COL13A1: variants seen among roughly 807,000 people sequenced by gnomAD.
COL13A1 encodes the protein collagen type XIII alpha 1 chain.
A neutral mutation model predicts 130.9 loss-of-function variants in COL13A1; 89 were observed. The ratio of observed to expected loss-of-function variants is 0.68; its 90% CI spans 0.57 to 0.81. The LOEUF (loss-of-function observed/expected upper bound fraction) is 0.81, where lower values mean the gene tolerates loss of function less well. COL13A1 is among the 30% of genes least tolerant of loss of function. The pLI is 0.00. For synonymous variants in COL13A1, 402 were observed against 341.6 expected (o/e 1.18, Z -1.95); for missense variants, 879 against 934.6 (o/e 0.94, Z 0.78).
At chr10:69,952,533 A>G (rs1393732051) in intron 38 of COL13A1, among the ~76,000 whole-genome samples, 1 of 152,262 alleles carries the variant, frequency 6.6e-6, no homozygotes, top group Non-Finnish European at 1.5e-5. Context: ...AGACTCAAAG[A>G]GAAGGAAGTT....
chr10:69,945,857 G>A, intron 37 of COL13A1, 133 bp downstream of exon 37: 3 of 1,107,470 alleles, frequency 2.7e-6, no homozygotes, highest in Non-Finnish European at 3.9e-6. Context: ...CGCATCACGA[G>A]GTCAGGAGAT....
chr10:69,898,434 G>A (rs753077476), intron 13 of COL13A1, among the ~76,000 whole-genome samples: 2 of 152,242 alleles, frequency 1.3e-5, no homozygotes, highest in Non-Finnish European at 2.9e-5. Context: ...GGCCGAGGCC[G>A]GGTGTGGACT....
At chr10:69,907,477 C>A (rs531079713) in intron 17 of COL13A1, among the ~76,000 whole-genome samples, 2 of 152,212 alleles carry the variant, frequency 1.3e-5, no homozygotes, top group African/African-American at 4.8e-5. Context: ...CAGGAGAGGG[C>A]GAGAGAACAC....
In COL13A1 at chr10:69,875,581, G is replaced by A. The variant is rs563902492; in HGVS notation, c.435+418G>A. Among the ~76,000 whole-genome samples the A allele has an allele frequency of 2.7e-4, 41 of 152,244 alleles. No homozygotes were observed. The South Asian group carries it at 6.4e-3, about 24-fold the overall frequency. ...CTCGGTGGAGCCAGGGTTCCCAGGG[G>A]CCTTCTCTGTAGACAGAGATGCACT... is the stretch of plus-strand genomic sequence containing the variant. On this transcript the variant is annotated intron_variant, in intron 5 of 40. Coordinates refer to ENST00000645393, the MANE Select transcript of COL13A1 (RefSeq NM_001368882.1).
chr10:69,919,474 A>T (rs1310389509), intron 20 of COL13A1, among the ~76,000 whole-genome samples, 191 bp from the exon 21 acceptor site: 5 of 152,256 alleles, frequency 3.3e-5, no homozygotes, highest in Non-Finnish European at 7.3e-5. Context: ...CTAAATGTGC[A>T]TTGAGGAGCT....
chr10:69,846,747 A>G (rs1853222858), intron 2 of COL13A1, among the ~76,000 whole-genome samples: 1 of 152,158 alleles, frequency 6.6e-6, no homozygotes, highest in Non-Finnish European at 1.5e-5. Context: ...TGATCCTCAG[A>G]GGGGAGCACC....
Position 69,898,743 on chromosome 10 carries a change from T to A in COL13A1, c.731T>A (p.Ile244Lys). Residue 244 changes from isoleucine (I) to lysine (K), a missense_variant, in exon 14 of 41, where the codon ATA (isoleucine) becomes AAA (lysine). Ile to Lys is a moderately radical substitution (Grantham distance 102). Coordinates refer to ENST00000645393, the MANE Select transcript of COL13A1 (RefSeq NM_001368882.1). ...GTGCGACTGGCTCCACCCCCGGTCA[T>A]AAAAAGGCGGACGTTCCAGGTAGAC... ...NSVRLAPPPV[I>K]KRRTFQGEQS... 6.2e-7 allele frequency: 1 copy of A among 1,613,130 alleles called. No homozygotes were observed. Among genetic ancestry groups the A allele is most frequent in the South Asian group, 1.1e-5 (1 of 90,904 alleles).
chr10:69,905,990 A>G (rs1402471603), intron 17 of COL13A1, among the ~76,000 whole-genome samples, 168 bp downstream of exon 17: 5 of 152,232 alleles, frequency 3.3e-5, no homozygotes, highest in African/African-American at 9.7e-5. Flanking sequence ...GTGGGAGCCA[A>G]ATTACTGGGA....
intron 2 of COL13A1, among the ~76,000 whole-genome samples, chr10:69,850,508 G>T (rs1189441489): frequency 6.6e-6 from 1 of 150,792 alleles, no homozygotes; most frequent in Non-Finnish European, 1.5e-5. Context: ...TCTAATGCAG[G>T]GGCCTTCCAG....
chr10:69,952,848 A>T, intron 38 of COL13A1, 34 bp from the exon 39 acceptor site: 2 of 1,410,918 alleles, frequency 1.4e-6, no homozygotes, highest in African/African-American at 1.5e-5. Flanking sequence ...TAAAGTTTTG[A>T]TGTTTTTTTC....
rs757086938 is a variant in COL13A1, at chr10:69,958,723, CTG to C, written c.*32_*33del. ...GTGATGCCTCTAACCTTGGATTGGC[CTG>C]TGTGTGTGTTTGTACATAGAATATT... On this transcript the variant is annotated 3_prime_UTR_variant, in exon 41 of 41. Transcript: ENST00000645393. The C allele has an allele frequency of 1.9e-6, 3 of 1,613,454 alleles. No homozygotes were observed. The highest frequency in any genetic ancestry group is 2.2e-5 in the East Asian group (1 of 44,880).
At chr10:69,864,905 G>T (rs1859382852) in intron 2 of COL13A1, among the ~76,000 whole-genome samples, 1 of 152,172 alleles carries the variant, frequency 6.6e-6, no homozygotes, top group African/African-American at 2.4e-5. Flanking sequence ...CTGCTTGCGG[G>T]CTGCTTAGCC....
chr10:69,848,065 A>AGT (rs1457312609), intron 2 of COL13A1, among the ~76,000 whole-genome samples: 2 of 152,190 alleles, frequency 1.3e-5, no homozygotes, highest in Admixed American at 1.3e-4. Context: ...GGCCAGATGG[A>AGT]GTCTCCAGTC....
chr10:69,882,104 G>A (rs1362481116), intron 7 of COL13A1, among the ~76,000 whole-genome samples: 1 of 152,214 alleles, frequency 6.6e-6, no homozygotes, highest in African/African-American at 2.4e-5. Context: ...CCTGATGAAG[G>A]TGGTGATGGG....
In COL13A1 at chr10:69,941,296, G is replaced by A. The variant is rs149249128; in HGVS notation, c.1914+273G>A. Among the ~76,000 whole-genome samples, 122 of 152,234 alleles carry A rather than the reference G, an allele frequency of 8.0e-4. 1 individual carries two copies. Among genetic ancestry groups the A allele is most frequent in the Admixed American group, 2.7e-3 (41 of 15,296 alleles). On this transcript the variant is annotated intron_variant, in intron 35 of 40. Transcript: ENST00000645393. ...GGTGGGAGGCCACTCCAGCAGCACC[G>A]CTCCTGATTCCACAGGAATGCTGAG...
chr10:69,803,520 G>A (rs1274650945), intron 1 of COL13A1, among the ~76,000 whole-genome samples: 1 of 143,938 alleles, frequency 6.9e-6, no homozygotes, highest in African/African-American at 2.6e-5. Flanking sequence ...GGTGAGGCTT[G>A]ATGATCTGTG....
intron 2 of COL13A1, among the ~76,000 whole-genome samples, chr10:69,854,214 T>A (rs569569205): frequency 6.6e-6 from 1 of 152,302 alleles, no homozygotes; most frequent in African/African-American, 2.4e-5. Context: ...GGCTTCATCC[T>A]TTCCTTTTCC....
rs772490189 is a variant in COL13A1 at position 69,944,173 on chromosome 10, G to A, written c.1963G>A (p.Glu655Lys). The change falls in exon 36 of 41, where the codon GAG becomes AAG. Residue 655 changes from glutamate to lysine, a missense_variant. Physicochemically the swap from Glu to Lys is moderately conservative, Grantham distance 56 (BLOSUM62 1). This residue lies in a region of COL13A1 where 96 missense variants were observed against 147.7 expected (regional missense o/e 0.65). Coordinates refer to ENST00000645393, the MANE Select transcript of COL13A1 (RefSeq NM_001368882.1). ...TCCAGGCCCAGCGGGACCAAAGGGC[G>A]AGAGGGTGAGTGTCACTGAGCCAGG... is the stretch of plus-strand genomic sequence containing the variant. ...GVPGPAGPKG[E>K]RGSKGDPGMT... 1.2e-5 allele frequency: 19 copies of A among 1,613,542 alleles called. No individual in the cohort carries two copies. The highest frequency in any genetic ancestry group is 2.7e-5 in the African/African-American group (2 of 74,936).
At chr10:69,936,129 G>GA (rs1260155149) in intron 32 of COL13A1, among the ~76,000 whole-genome samples, 1 of 516 alleles carries the variant, frequency 1.9e-3, no homozygotes, top group African/African-American at 4.6e-3. Context: ...AGGAAGGAAA[G>GA]AAGGAAGGAA....
Sources: gnomAD v4.1 joint callset for allele counts (sites outside exome capture counted in the v4.1 genomes callset) on GRCh38, gnomAD v4.1.1 for gene constraint, gnomAD v4.1.1 regional missense constraint, MANE v1.5 for transcripts, NCBI Gene and HGNC (gene_info 2026-07-23, HGNC 2026-07-21) for gene names.